SENP5: variants seen among roughly 807,000 people sequenced by gnomAD.
SENP5 encodes sentrin-specific protease 5.
Under a neutral mutation model 74.2 loss-of-function variants are expected in SENP5, and 21 were observed. The observed-to-expected ratio is 0.28, with a 90% CI of 0.20 to 0.41. The LOEUF (loss-of-function observed/expected upper bound fraction) is 0.41, where lower values mean the gene tolerates loss of function less well. Among genes scored for constraint, SENP5 ranks in the 10% least tolerant of loss-of-function variants. SENP5 has a pLI of 1.00. For missense variants in SENP5, 717 were observed against 889.1 expected (o/e 0.81, Z 2.46); for synonymous variants, 311 against 312.7 (o/e 0.99, Z 0.06).
In SENP5 at chr3:196,886,148, G is replaced by A. The variant is rs1321560417; in HGVS notation, c.967G>A (p.Val323Met). 3 of 1,614,202 alleles carry A rather than the reference G, an allele frequency of 1.9e-6. No homozygotes were observed. The highest frequency in any genetic ancestry group is 1.7e-5 in the Admixed American group (1 of 60,020). The change falls in exon 2 of 10, where the codon GTG (valine) becomes ATG (methionine). Residue 323 changes from valine to methionine, a missense_variant. By Grantham distance (21) the Val-to-Met change is conservative. Transcript: ENST00000323460. ...SAVVKGTNSH[V>M]PDCHTKGSSF... ...TGTGGTGAAGGGGACGAACTCTCAT[G>A]TGCCTGATTGCCACACTAAAGGAAG...
At chr3:196,908,750 G>C (rs1715006229) in intron 6 of SENP5, among the ~76,000 whole-genome samples, 1 of 152,190 alleles carries the variant, frequency 6.6e-6, no homozygotes, top group African/African-American at 2.4e-5. Context: ...TTGAACCCGG[G>C]AGGTGGAGGT....
intron 6 of SENP5, among the ~76,000 whole-genome samples, chr3:196,918,813 A>C (rs922200982): frequency 6.6e-6 from 1 of 152,050 alleles, no homozygotes; most frequent in African/African-American, 2.4e-5. Context: ...GGCTGGAAAA[A>C]CCAGAACTCC....
chr3:196,894,273 G>A (rs1163219647), intron 2 of SENP5, among the ~76,000 whole-genome samples: 2 of 151,506 alleles, frequency 1.3e-5, no homozygotes, highest in Non-Finnish European at 2.9e-5. Flanking sequence ...ACAGGTGCCC[G>A]CCACCACGCC....
At chr3:196,889,793 A>G (rs1280270222) in intron 2 of SENP5, among the ~76,000 whole-genome samples, 1 of 152,244 alleles carries the variant, frequency 6.6e-6, no homozygotes, top group African/African-American at 2.4e-5. Flanking sequence ...GGGAAGGTCC[A>G]GGCGGGCAGA....
At chr3:196,891,687 T>A (rs1042273046) in intron 2 of SENP5, among the ~76,000 whole-genome samples, 7 of 152,202 alleles carry the variant, frequency 4.6e-5, no homozygotes, top group African/African-American at 1.7e-4. Flanking sequence ...TAGTCCCAGC[T>A]CCTCAGATGG....
At chr3:196,900,809 C>T (rs903846286) in intron 5 of SENP5, among the ~76,000 whole-genome samples, 1 of 151,850 alleles carries the variant, frequency 6.6e-6, no homozygotes, top group Admixed American at 6.6e-5. Context: ...TGGTCTCGAA[C>T]TCCTGACCTC....
intron 6 of SENP5, among the ~76,000 whole-genome samples, chr3:196,911,307 A>G (rs1715114829): frequency 6.6e-6 from 1 of 152,190 alleles, no homozygotes; most frequent in African/African-American, 2.4e-5. Context: ...TTTGCAGTCT[A>G]CCCACCTGAC....
intron 6 of SENP5, chr3:196,912,517 C>T (rs1396101673): frequency 2.0e-5 from 3 of 152,036 alleles, no homozygotes; most frequent in African/African-American, 7.3e-5. Flanking sequence ...TGGTTCATGC[C>T]TGTAATCCAG....
rs1251957356 is a variant in SENP5 at position 196,931,870 on chromosome 3, A to T, written c.*947A>T. ...TCTATTTCAAGGGTATCTGAAACGTAAACATTCAAAACTGAAGGCTGACTG... is the reference window on the plus strand; with the variant it reads ...TCTATTTCAAGGGTATCTGAAACGTTAACATTCAAAACTGAAGGCTGACTG... On this transcript the variant is annotated 3_prime_UTR_variant, in exon 10 of 10. Transcript: ENST00000323460. The T allele has an allele frequency of 4.5e-6, 2 of 447,828 alleles. No homozygotes were observed. The highest frequency in any genetic ancestry group is 8.9e-6 in the Non-Finnish European group (2 of 223,996). The allele number at this position is 447,828 out of a possible 1,614,324, so 27.7% of individuals were successfully genotyped here.
At position 196,932,819 on chromosome 3, in the gene SENP5, T is replaced by A. The variant is rs776730694; in HGVS notation, c.*1896T>A. 3 of 144,876 alleles carry A rather than the reference T, an allele frequency of 2.1e-5. No individual in the cohort carries two copies. The highest frequency in any genetic ancestry group is 7.7e-5 in the African/African-American group (3 of 38,858). 9.0% of individuals were successfully genotyped at this position (144,876 alleles called of 1,614,324 possible). A position where few individuals can be genotyped will look rare whatever the true frequency, so the allele number is the denominator to read the frequency against. ...CTGTCAGTTCAAAATGTCTTGTACT[T>A]CAGAGTGAGGAAGTGTTTCAGTTCC... is the stretch of plus-strand genomic sequence containing the variant. On this transcript the variant is annotated 3_prime_UTR_variant, in exon 10 of 10. Transcript: ENST00000323460.
At chr3:196,928,650 T>C (rs931994896) in intron 8 of SENP5, among the ~76,000 whole-genome samples, 1 of 152,156 alleles carries the variant, frequency 6.6e-6, no homozygotes, top group African/African-American at 2.4e-5. Context: ...ATAGGCAGGA[T>C]CTTGAAACAA....
intron 1 of SENP5, among the ~76,000 whole-genome samples, chr3:196,871,220 A>G (rs545784756): frequency 1.3e-5 from 2 of 152,304 alleles, no homozygotes; most frequent in Admixed American, 1.3e-4. Context: ...TGTCTAATAC[A>G]TTCAGAGTCT....
At position 196,931,942 on chromosome 3, in the gene SENP5, G is replaced by T; in HGVS notation, c.*1019G>T. On this transcript the variant is annotated 3_prime_UTR_variant, in exon 10 of 10. Transcript: ENST00000323460. ...GCTGGAGAGAAGAGGGAAGGTAATA[G>T]AGACAACTTAGTCCCATGGGAGCGC... 2.2e-6 allele frequency: 1 copy of T among 454,476 alleles called. No individual in the cohort carries two copies. Among genetic ancestry groups the T allele is most frequent in the Non-Finnish European group, 4.4e-6 (1 of 226,210 alleles). 28.2% of individuals were successfully genotyped at this position (454,476 alleles called of 1,614,324 possible).
chr3:196,918,026 A>G (rs918745728), intron 6 of SENP5, among the ~76,000 whole-genome samples: 3 of 152,062 alleles, frequency 2.0e-5, no homozygotes, highest in Non-Finnish European at 4.4e-5. Flanking sequence ...AATAGAAACA[A>G]TGGCCGGGCA....
chr3:196,884,362 C>G (rs1713856598), intron 1 of SENP5, among the ~76,000 whole-genome samples: 1 of 152,186 alleles, frequency 6.6e-6, no homozygotes, highest in Admixed American at 6.5e-5. Flanking sequence ...GGAACACACT[C>G]TAGAAGTAGA....
chr3:196,882,928 A>ATT (rs10576427), intron 1 of SENP5, among the ~76,000 whole-genome samples: 1 of 144,576 alleles, frequency 6.9e-6, no homozygotes, highest in Non-Finnish European at 1.5e-5. Context: ...ATCTTTATGG[A>ATT]TTTTTTTTTT....
chr3:196,894,594 T>C (rs968046292), intron 2 of SENP5, among the ~76,000 whole-genome samples: 1 of 152,062 alleles, frequency 6.6e-6, no homozygotes, highest in Admixed American at 6.6e-5. Flanking sequence ...AGTTGGTAGT[T>C]CTAATACTGT....
chr3:196,900,245 T>C, intron 4 of SENP5, 120 bp from the exon 5 acceptor site: 8 of 1,093,358 alleles, frequency 7.3e-6, no homozygotes, highest in Non-Finnish European at 1.0e-5. Context: ...TTATTTATTC[T>C]GATTGGGATG....
chr3:196,896,036 C>T (rs1020226183), intron 2 of SENP5, among the ~76,000 whole-genome samples: 1 of 151,910 alleles, frequency 6.6e-6, no homozygotes, highest in Admixed American at 6.6e-5. Flanking sequence ...TTTAGTTGAT[C>T]AGTTTAGTGA....
Sources: allele counts gnomAD v4.1 joint callset (sites outside exome capture counted in the v4.1 genomes callset), GRCh38; gene constraint gnomAD v4.1.1; transcripts MANE v1.5; gene names NCBI Gene and HGNC (gene_info 2026-07-23, HGNC 2026-07-21).